SLC29A4: variants seen among roughly 807,000 people sequenced by gnomAD.
SLC29A4 encodes the protein equilibrative nucleoside transporter 4.
A neutral mutation model predicts 43.9 loss-of-function variants in SLC29A4; 36 were observed. That is an observed-to-expected ratio of 0.82 (90% CI 0.63 to 1.08). The LOEUF is 1.08. Ranked by LOEUF, SLC29A4 falls within the 50% of genes least tolerant of loss-of-function variation. The pLI is 0.00. For synonymous variants in SLC29A4, 491 were observed against 338.0 expected (o/e 1.45, Z -4.97); for missense variants, 869 against 755.3 (o/e 1.15, Z -1.77).
At chr7:5,290,519 T>C (rs1785237650) in intron 2 of SLC29A4, among the ~76,000 whole-genome samples, 1 of 152,184 alleles carries the variant, frequency 6.6e-6, no homozygotes, top group South Asian at 2.1e-4. Flanking sequence ...CTGCAGTGGC[T>C]GTGAGGGCGT....
chr7:5,303,100 TG>T lies in SLC29A4; in HGVS notation c.*162del. The stretch of plus-strand genomic sequence containing the variant: ...GGTCCAGCCATGCCCCACCCTGGAC[TG>T]AAGTTCTGCAAAGTCCTCCGAGGAC... On this transcript the variant is annotated 3_prime_UTR_variant, in exon 11 of 11. Coordinates refer to ENST00000396872, the MANE Select transcript of SLC29A4 (RefSeq NM_153247.4). 1 of 848,642 alleles carries T rather than the reference TG, an allele frequency of 1.2e-6. No homozygotes were observed. Among genetic ancestry groups the T allele is most frequent in the South Asian group, 1.7e-5 (1 of 57,850 alleles). The allele number at this position is 848,642 out of a possible 1,614,324, so 52.6% of individuals were successfully genotyped here. A position where few individuals can be genotyped will look rare whatever the true frequency, so the allele number is the denominator to read the frequency against.
chr7:5,283,562 G>C (rs1488893622), intron 1 of SLC29A4, among the ~76,000 whole-genome samples: 1 of 152,164 alleles, frequency 6.6e-6, no homozygotes, highest in Non-Finnish European at 1.5e-5. Flanking sequence ...CCGGACAGGC[G>C]GCAGAAAGGC....
chr7:5,292,733 C>G (rs1012137967), intron 5 of SLC29A4, among the ~76,000 whole-genome samples: 11 of 101,586 alleles, frequency 1.1e-4, no homozygotes, highest in Non-Finnish European at 1.8e-4. Flanking sequence ...CAGTCTCACT[C>G]TGTCGCCCAG....
chr7:5,288,843 G>C (rs1157476748), intron 2 of SLC29A4, among the ~76,000 whole-genome samples: 2 of 152,154 alleles, frequency 1.3e-5, no homozygotes, highest in African/African-American at 4.8e-5. Context: ...AGAGTGGACA[G>C]CCCACAGGCT....
In SLC29A4 at chr7:5,291,686, C is replaced by G. The variant is rs746487655; in HGVS notation, c.416-7C>G. On this transcript the variant is annotated splice_polypyrimidine_tract_variant and splice_region_variant and intron_variant, in intron 4 of 10. Coordinates refer to ENST00000396872, the MANE Select transcript of SLC29A4 (RefSeq NM_153247.4). ...ACCACTCCCCTCACTAGCCTCTCCCCCAACAGGCTACCTCTTAGCCTTGGG... is the reference window on the plus strand; with the variant it reads ...ACCACTCCCCTCACTAGCCTCTCCCGCAACAGGCTACCTCTTAGCCTTGGG... The G allele has an allele frequency of 3.7e-6, 6 of 1,602,614 alleles. No homozygotes were observed. The highest frequency in any genetic ancestry group is 4.3e-6 in the Non-Finnish European group (5 of 1,174,602).
rs60168491 is a variant in SLC29A4 at position 5,304,301 on chromosome 7, G to GC, written c.*1370dup. Reference sequence around the variant, plus strand: ...GGTTTGTCGCTCACCTTGACCGCCCGCCCCCCCCACCCCTTCGTGAGGATC... The same window carrying GC: ...GGTTTGTCGCTCACCTTGACCGCCCGCCCCCCCCCACCCCTTCGTGAGGATC... On this transcript the variant is annotated 3_prime_UTR_variant, in exon 11 of 11. Coordinates refer to ENST00000396872, the MANE Select transcript of SLC29A4 (RefSeq NM_153247.4). The GC allele has an allele frequency of 0.039, 4,223 of 108,142 alleles. 226 individuals carry two copies. Among genetic ancestry groups the GC allele is most frequent in the African/African-American group, 0.13 (3,880 of 29,080 alleles). 6.7% of individuals were successfully genotyped at this position (108,142 alleles called of 1,614,324 possible).
intron 10 of SLC29A4, among the ~76,000 whole-genome samples, chr7:5,301,678 G>A (rs960741106): frequency 4.6e-5 from 7 of 152,204 alleles, no homozygotes; most frequent in African/African-American, 1.7e-4. Flanking sequence ...GGAGGTCAAC[G>A]TGGCACTGGG....
chr7:5,294,121 T>G (rs927469603), intron 5 of SLC29A4, among the ~76,000 whole-genome samples: 1 of 151,204 alleles, frequency 6.6e-6, no homozygotes, highest in African/African-American at 2.4e-5. Flanking sequence ...AAAAAAAAAT[T>G]GTAAAGACAA....
At chr7:5,287,489 A>G (rs957172629) in intron 1 of SLC29A4, among the ~76,000 whole-genome samples, 3 of 151,982 alleles carry the variant, frequency 2.0e-5, no homozygotes, top group African/African-American at 7.3e-5. Context: ...TGTCCTCTGG[A>G]TGGATAGAAA....
chr7:5,284,513 C>T (rs575168509), intron 1 of SLC29A4, among the ~76,000 whole-genome samples: 3 of 152,220 alleles, frequency 2.0e-5, no homozygotes, highest in East Asian at 3.8e-4. Context: ...GTCACGGCAG[C>T]GCAGAGTGGA....
At position 5,306,775 on chromosome 7, in the gene SLC29A4, A is replaced by T. The variant is rs1786543183; in HGVS notation, c.*3836A>T. On this transcript the variant is annotated 3_prime_UTR_variant, in exon 11 of 11. Coordinates refer to ENST00000396872, the MANE Select transcript of SLC29A4 (RefSeq NM_153247.4). ...CACCCCTACTCCAGCCCCTGAAATA[A>T]ACCACTCCAGACAATTTTATTTTTC... 1 of 151,964 alleles carries T rather than the reference A, an allele frequency of 6.6e-6. No homozygotes were observed. Among genetic ancestry groups the T allele is most frequent in the Non-Finnish European group, 1.5e-5 (1 of 67,960 alleles). 9.4% of individuals were successfully genotyped at this position (151,964 alleles called of 1,614,324 possible). A position where few individuals can be genotyped will look rare whatever the true frequency, so the allele number is the denominator to read the frequency against.
At chr7:5,298,690 C>T (rs187456208) in intron 7 of SLC29A4, among the ~76,000 whole-genome samples, 113 of 152,228 alleles carry the variant, frequency 7.4e-4, no homozygotes, top group African/African-American at 2.6e-3. Flanking sequence ...GTCCCTGTTA[C>T]TTGGGAGGCT....
chr7:5,284,108 A>G (rs1784824148), intron 1 of SLC29A4, among the ~76,000 whole-genome samples: 1 of 144,782 alleles, frequency 6.9e-6, no homozygotes, highest in Admixed American at 7.5e-5. Context: ...GGCCTTGGCC[A>G]GAAGCAGTGG....
At chr7:5,296,823 G>A in intron 6 of SLC29A4, 113 bp from the exon 7 acceptor site, 2 of 1,251,242 alleles carry the variant, frequency 1.6e-6, no homozygotes, top group Non-Finnish European at 2.1e-6. Context: ...AGGGCCTGTG[G>A]TGGAGGGCGG....
intron 4 of SLC29A4, 115 bp downstream of exon 4, chr7:5,291,352 A>G (rs926659397): frequency 3.9e-6 from 4 of 1,028,880 alleles, no homozygotes; most frequent in Non-Finnish European, 4.3e-6. Flanking sequence ...AAATGGGCAC[A>G]CTTCCTAGGG....
intron 1 of SLC29A4, among the ~76,000 whole-genome samples, chr7:5,287,599 G>T (rs1785040512): frequency 6.6e-6 from 1 of 152,170 alleles, no homozygotes; most frequent in African/African-American, 2.4e-5. Flanking sequence ...TCACACAGCT[G>T]GGCTGAAAAC....
intron 10 of SLC29A4, among the ~76,000 whole-genome samples, chr7:5,301,939 A>G (rs4299914): frequency 0.55 from 83,177 of 151,986 alleles, 23,008 homozygotes; most frequent in South Asian, 0.69. Context: ...GGAAGCTGCA[A>G]GTCGGAGAGT....
intron 1 of SLC29A4, among the ~76,000 whole-genome samples, chr7:5,286,658 C>T (rs1398725813): frequency 1.1e-4 from 16 of 152,152 alleles, no homozygotes; most frequent in Admixed American, 1.0e-3. Context: ...TCCCGAAGGT[C>T]AGGGCTGGCA....
rs1405537185 is a variant in SLC29A4 at position 5,305,365 on chromosome 7, C to T, written c.*2426C>T. 1 of 152,260 alleles carries T rather than the reference C, an allele frequency of 6.6e-6. No homozygotes were observed. Among genetic ancestry groups the T allele is most frequent in the Non-Finnish European group, 1.5e-5 (1 of 68,078 alleles). 9.4% of individuals were successfully genotyped at this position (152,260 alleles called of 1,614,324 possible). A position where few individuals can be genotyped will look rare whatever the true frequency, so the allele number is the denominator to read the frequency against. On this transcript the variant is annotated 3_prime_UTR_variant, in exon 11 of 11. Coordinates refer to ENST00000396872, the MANE Select transcript of SLC29A4 (RefSeq NM_153247.4). ...ACCCTCTTTGCAAAGCCCCGAATGTCCTCTGCAGGCCACCCACACTAACCA... is the reference window on the plus strand; with the variant it reads ...ACCCTCTTTGCAAAGCCCCGAATGTTCTCTGCAGGCCACCCACACTAACCA...
Sources: allele counts gnomAD v4.1 joint callset (sites outside exome capture counted in the v4.1 genomes callset), GRCh38; gene constraint gnomAD v4.1.1; transcripts MANE v1.5; gene names NCBI Gene and HGNC (gene_info 2026-07-23, HGNC 2026-07-21).